The following CSMD1 variants were observed in gnomAD, a reference collection of about 807,000 sequenced individuals.
CSMD1 encodes the protein CUB and sushi domain-containing protein 1.
Under a neutral mutation model 417.5 loss-of-function variants are expected in CSMD1, and 213 were observed. The observed-to-expected ratio is 0.51, with a 90% CI of 0.46 to 0.57. The LOEUF is 0.57. Among genes scored for constraint, CSMD1 ranks in the 20% least tolerant of loss-of-function variants. The pLI, the probability that CSMD1 is intolerant of heterozygous loss-of-function variation, is 0.00. For missense variants in CSMD1, 6,923 were observed against 4,529.7 expected (o/e 1.53, Z -15.17); for synonymous variants, 2,862 against 1,736.8 (o/e 1.65, Z -16.11).
intron 1 of CSMD1, among the ~76,000 whole-genome samples, chr8:4,785,477 C>G (rs1050663538): frequency 3.9e-5 from 6 of 152,064 alleles, no homozygotes; most frequent in Non-Finnish European, 4.4e-5. Context: ...CTTTGGACCT[C>G]AAGACCAGCA....
At chr8:4,842,735 A>G (rs984369574) in intron 1 of CSMD1, among the ~76,000 whole-genome samples, 2 of 152,222 alleles carry the variant, frequency 1.3e-5, no homozygotes, top group African/African-American at 4.8e-5. Flanking sequence ...GAGTTTTTGA[A>G]TGTTATTTAT....
rs188691432 is a variant in CSMD1, at chr8:4,044,581, G to A, written c.416-12482C>T. ...CCACGGCAGAGCTCGGTCACCGGAAGGATAATTAAATCCGGGTCTCATTTT... is the reference window on the plus strand; with the variant it reads ...CCACGGCAGAGCTCGGTCACCGGAAAGATAATTAAATCCGGGTCTCATTTT... On this transcript the variant is annotated intron_variant, in intron 3 of 69. Transcript: ENST00000635120. Among the ~76,000 whole-genome samples the A allele has an allele frequency of 5.7e-4, 87 of 152,310 alleles. 1 individual carries two copies. The highest frequency in any genetic ancestry group is 8.5e-4 in the Non-Finnish European group (58 of 68,032).
chr8:3,828,201 T>A (rs4443683), intron 5 of CSMD1, among the ~76,000 whole-genome samples: 2 of 152,048 alleles, frequency 1.3e-5, no homozygotes, highest in East Asian at 3.9e-4. Flanking sequence ...CAATCCTTGA[T>A]ATTCCTGGCT....
intron 6 of CSMD1, among the ~76,000 whole-genome samples, chr8:3,747,236 T>C (rs1331522872): frequency 6.6e-6 from 1 of 152,180 alleles, no homozygotes; most frequent in East Asian, 1.9e-4. Context: ...GCATGAGAGT[T>C]GAAGCTTCTT....
chr8:4,834,120 T>C (rs908551830), intron 1 of CSMD1, among the ~76,000 whole-genome samples: 8 of 152,246 alleles, frequency 5.3e-5, no homozygotes, highest in Non-Finnish European at 8.8e-5. Context: ...TCTTGTTACA[T>C]AATTGAAAGT....
intron 3 of CSMD1, among the ~76,000 whole-genome samples, chr8:4,403,193 A>G (rs962451659): frequency 6.6e-6 from 1 of 152,178 alleles, no homozygotes; most frequent in African/African-American, 2.4e-5. Context: ...TTACTGAAAG[A>G]TATTACTCAA....
In CSMD1 at chr8:3,190,102, G is replaced by A. The variant is rs1414646299; in HGVS notation, c.5208C>T (p.Thr1736=). 5 of 1,588,468 alleles carry A rather than the reference G, an allele frequency of 3.1e-6. No individual in the cohort carries two copies. Among genetic ancestry groups the A allele is most frequent in the Non-Finnish European group, 3.4e-6 (4 of 1,167,408 alleles). ...FHFVYQAVPR[T]SDTQCSSVPE... Reference sequence around the variant, plus strand: ...GGACAGAGCTGCATTGGGTGTCACTGGTACGAGGAACAGCTAGAAGCAAAG... The same window carrying A: ...GGACAGAGCTGCATTGGGTGTCACTAGTACGAGGAACAGCTAGAAGCAAAG... The change falls in exon 34 of 70, where the codon ACC becomes ACT. Residue 1736 remains threonine, a synonymous_variant. Transcript: ENST00000635120.
At chr8:4,368,174 C>T (rs1451822170) in intron 3 of CSMD1, among the ~76,000 whole-genome samples, 1 of 152,028 alleles carries the variant, frequency 6.6e-6, no homozygotes, top group African/African-American at 2.4e-5. Flanking sequence ...TCCTTCAATG[C>T]CTAATTTGTT....
intron 7 of CSMD1, 149 bp from the exon 8 acceptor site, chr8:3,616,946 A>C: frequency 2.0e-6 from 1 of 498,218 alleles, no homozygotes; most frequent in South Asian, 3.9e-5. Flanking sequence ...AATACATTCA[A>C]ATAAGTGTTT....
intron 3 of CSMD1, among the ~76,000 whole-genome samples, chr8:4,043,852 T>C (rs1355886431): frequency 6.6e-6 from 1 of 152,132 alleles, no homozygotes. Context: ...CATACAAAAA[T>C]GATGAGACAC....
chr8:4,218,923 T>G (rs1017501913), intron 3 of CSMD1, among the ~76,000 whole-genome samples: 2 of 152,226 alleles, frequency 1.3e-5, no homozygotes, highest in East Asian at 3.8e-4. Flanking sequence ...ATCTGAACCC[T>G]TGGGGTCATT....
chr8:3,882,460 T>G (rs1179744142), intron 5 of CSMD1, among the ~76,000 whole-genome samples: 1 of 152,216 alleles, frequency 6.6e-6, no homozygotes, highest in Non-Finnish European at 1.5e-5. Flanking sequence ...ACGGTGGTAT[T>G]ACAAATCAGT....
intron 12 of CSMD1, among the ~76,000 whole-genome samples, chr8:3,431,510 C>T (rs996897606): frequency 1.3e-5 from 2 of 152,094 alleles, no homozygotes; most frequent in South Asian, 4.1e-4. Flanking sequence ...CATCCCATCC[C>T]CATGCCTTTT....
intron 5 of CSMD1, among the ~76,000 whole-genome samples, chr8:3,825,355 C>G (rs537912539): frequency 3.9e-5 from 6 of 152,168 alleles, no homozygotes; most frequent in African/African-American, 1.4e-4. Flanking sequence ...CATGGTGAAA[C>G]CTTGTCTGTA....
intron 2 of CSMD1, among the ~76,000 whole-genome samples, chr8:4,427,616 G>T (rs1370194840): frequency 6.6e-6 from 1 of 152,002 alleles, no homozygotes; most frequent in Non-Finnish European, 1.5e-5. Flanking sequence ...AAAAATTATT[G>T]TAAATTCCAT....
chr8:4,854,584 G>A (rs1419647521), intron 1 of CSMD1, among the ~76,000 whole-genome samples: 2 of 152,196 alleles, frequency 1.3e-5, no homozygotes, highest in Non-Finnish European at 2.9e-5. Context: ...AGCAGGGCGA[G>A]GCATTGCCTC....
intron 3 of CSMD1, among the ~76,000 whole-genome samples, chr8:4,353,328 A>C (rs957279385): frequency 1.3e-5 from 2 of 152,086 alleles, no homozygotes; most frequent in Non-Finnish European, 2.9e-5. Context: ...CCACCATGTA[A>C]GATGTGACTT....
At chr8:4,431,047 C>A (rs192395110) in intron 2 of CSMD1, among the ~76,000 whole-genome samples, 28 of 152,064 alleles carry the variant, frequency 1.8e-4, no homozygotes, top group African/African-American at 6.8e-4. Flanking sequence ...CAGAATAACT[C>A]GTGGAGTGTC....
chr8:3,902,221 T>C (rs1807802692), intron 5 of CSMD1, among the ~76,000 whole-genome samples: 1 of 152,168 alleles, frequency 6.6e-6, no homozygotes, highest in African/African-American at 2.4e-5. Context: ...TCTATGATTT[T>C]CAGCCCATTG....
Sources: gnomAD v4.1 joint callset for allele counts (sites outside exome capture counted in the v4.1 genomes callset) on GRCh38, gnomAD v4.1.1 for gene constraint, MANE v1.5 for transcripts, NCBI Gene and HGNC (gene_info 2026-07-23, HGNC 2026-07-21) for gene names.